The following TTC28 variants were observed in gnomAD, a reference collection of about 807,000 sequenced individuals.
TTC28 encodes tetratricopeptide repeat domain 28, also known as tetratricopeptide repeat protein 28.
In TTC28, 61 loss-of-function variants were observed where a neutral mutation model predicts 198.0. The ratio of observed to expected loss-of-function variants is 0.31; its 90% confidence interval spans 0.25 to 0.38. The LOEUF (loss-of-function observed/expected upper bound fraction) is 0.38, where lower values mean the gene tolerates loss of function less well. TTC28 is among the 10% of genes least tolerant of loss of function. TTC28 has a pLI of 1.00. For synonymous variants in TTC28, 1,171 were observed against 1,297.8 expected, an observed-to-expected ratio of 0.90 and a Z score of 2.10; for missense variants, 2,678 against 3,164.0, an observed-to-expected ratio of 0.85 and a Z score of 3.69.
chr22:28,224,450 T>C (rs937775647), intron 5 of TTC28, among the ~76,000 whole-genome samples: 2 of 152,160 alleles, frequency 1.3e-5, no homozygotes, highest in Non-Finnish European at 2.9e-5. Context: ...CTTCCCTTCA[T>C]GGCTCTTAAT....
At chr22:28,065,474 AC>A (rs942536220) in intron 12 of TTC28, among the ~76,000 whole-genome samples, 27 of 152,306 alleles carry the variant, frequency 1.8e-4, no homozygotes, top group African/African-American at 6.0e-4. Context: ...GGTCGGGCCA[AC>A]AAGAGTTAGG....
At chr22:28,386,812 G>C (rs1569297008) in intron 2 of TTC28, among the ~76,000 whole-genome samples, 1 of 150,808 alleles carries the variant, frequency 6.6e-6, no homozygotes, top group African/African-American at 2.4e-5. Flanking sequence ...CTTTCTTATA[G>C]TTTTTTTTTG....
chr22:28,047,478 A>G (rs1017419500), intron 12 of TTC28, among the ~76,000 whole-genome samples: 2 of 152,218 alleles, frequency 1.3e-5, no homozygotes, highest in African/African-American at 4.8e-5. Flanking sequence ...AGGGCTGAGA[A>G]GAAAAGTGGA....
intron 2 of TTC28, among the ~76,000 whole-genome samples, chr22:28,328,054 TAC>T (rs1438614878): frequency 1.3e-5 from 2 of 152,106 alleles, no homozygotes; most frequent in Non-Finnish European, 2.9e-5. Context: ...ACACAGTTAA[TAC>T]AATAAAATAA....
At chr22:28,444,432 G>A (rs374761132) in intron 2 of TTC28, among the ~76,000 whole-genome samples, 1 of 152,128 alleles carries the variant, frequency 6.6e-6, no homozygotes. Flanking sequence ...TTAACTCAAA[G>A]GGACTGCTTT....
intron 6 of TTC28, among the ~76,000 whole-genome samples, chr22:28,131,205 G>A (rs1943052641): frequency 6.6e-6 from 1 of 152,070 alleles, no homozygotes; most frequent in Non-Finnish European, 1.5e-5. Flanking sequence ...TGAAAGGCTT[G>A]GTTCTGTTTC....
chr22:28,104,088 A>C (rs1942230909), intron 8 of TTC28, among the ~76,000 whole-genome samples: 1 of 152,182 alleles, frequency 6.6e-6, no homozygotes, highest in African/African-American at 2.4e-5. Flanking sequence ...GAGACCAGCG[A>C]ATCATCAGCT....
chr22:28,406,691 C>T (rs2057009378), intron 2 of TTC28, among the ~76,000 whole-genome samples: 1 of 152,166 alleles, frequency 6.6e-6, no homozygotes, highest in African/African-American at 2.4e-5. Flanking sequence ...AATTTAAAAA[C>T]ACCTAATGAG....
At chr22:28,053,320 T>C (rs963924024) in intron 12 of TTC28, among the ~76,000 whole-genome samples, 2 of 152,250 alleles carry the variant, frequency 1.3e-5, no homozygotes, top group African/African-American at 4.8e-5. Context: ...TTATGTATTT[T>C]TTTAACCTTA....
intron 5 of TTC28, among the ~76,000 whole-genome samples, chr22:28,291,317 TG>T (rs1260727321): frequency 2.0e-5 from 3 of 152,032 alleles, no homozygotes; most frequent in Non-Finnish European, 4.4e-5. Context: ...AACAGCTCAG[TG>T]GGATGACACA....
intron 2 of TTC28, among the ~76,000 whole-genome samples, chr22:28,311,102 T>C (rs181209387): frequency 6.6e-6 from 1 of 152,240 alleles, no homozygotes; most frequent in Admixed American, 6.5e-5. Context: ...TTAGTCGATA[T>C]TTCAAATTTG....
At chr22:28,121,465 G>A (rs1023457985) in intron 6 of TTC28, among the ~76,000 whole-genome samples, 1 of 152,222 alleles carries the variant, frequency 6.6e-6, no homozygotes, top group Non-Finnish European at 1.5e-5. Flanking sequence ...AGCAACGAGT[G>A]AGGACACTAA....
At chr22:28,447,491 T>C (rs1160462042) in intron 2 of TTC28, among the ~76,000 whole-genome samples, 1 of 152,200 alleles carries the variant, frequency 6.6e-6, no homozygotes, top group Non-Finnish European at 1.5e-5. Flanking sequence ...CAAGTCCTAA[T>C]TTGTGACTGC....
Position 28,182,432 on chromosome 22 carries a change from A to C in TTC28, c.934-18833T>G, listed in dbSNP as rs777933150. 2.6e-5 allele frequency among the ~76,000 whole-genome samples: 4 copies of C among 152,304 alleles called. 1 individual carries two copies. The South Asian group carries it at 8.3e-4, about 32-fold the overall frequency. ...TTTGGCAGGGCAGGATATATTGAAG[A>C]AACTCAGAGAGAGAGAGATGGAAAA... On this transcript the variant is annotated intron_variant, in intron 5 of 22. Coordinates refer to ENST00000397906, the MANE Select transcript of TTC28 (RefSeq NM_001145418.2).
intron 2 of TTC28, among the ~76,000 whole-genome samples, chr22:28,611,425 A>G (rs2050815984): frequency 6.6e-6 from 1 of 152,196 alleles, no homozygotes; most frequent in Admixed American, 6.5e-5. Flanking sequence ...ATTCTTAAAG[A>G]AAAGAATTTT....
At chr22:27,987,722 G>T (rs62235643) in intron 21 of TTC28, among the ~76,000 whole-genome samples, 1 of 152,140 alleles carries the variant, frequency 6.6e-6, no homozygotes, top group African/African-American at 2.4e-5. Context: ...AAAAAAAAAG[G>T]TTGTGGTTGT....
chr22:28,352,790 C>T (rs2046019629), intron 2 of TTC28, among the ~76,000 whole-genome samples: 1 of 152,098 alleles, frequency 6.6e-6, no homozygotes, highest in Admixed American at 6.6e-5. Context: ...GGCCAATTTG[C>T]ACCACAAGAG....
intron 1 of TTC28, among the ~76,000 whole-genome samples, chr22:28,658,549 T>G (rs1484110343): frequency 6.6e-6 from 1 of 152,194 alleles, no homozygotes; most frequent in Non-Finnish European, 1.5e-5. Context: ...AATAGGGATT[T>G]TATTGTTTAG....
intron 6 of TTC28, 91 bp from the exon 7 acceptor site, chr22:28,108,494 A>G: frequency 8.7e-7 from 1 of 1,150,190 alleles, no homozygotes; most frequent in Non-Finnish European, 1.1e-6. Flanking sequence ...TTTATAGTAA[A>G]ATGCAATCCA....
Sources: allele counts gnomAD v4.1 joint callset (sites outside exome capture counted in the v4.1 genomes callset), GRCh38; gene constraint gnomAD v4.1.1; transcripts MANE v1.5; gene names NCBI Gene and HGNC (gene_info 2026-07-23, HGNC 2026-07-21).